KMT2C: variants seen among roughly 807,000 people sequenced by gnomAD.
KMT2C encodes the protein lysine methyltransferase 2C, also known as histone-lysine N-methyltransferase 2C.
KMT2C carries 88 observed loss-of-function variants against 507.9 expected under a neutral mutation model. The ratio of observed to expected loss-of-function variants is 0.17; its 90% confidence interval spans 0.15 to 0.21. The LOEUF (loss-of-function observed/expected upper bound fraction) is 0.21, where lower values mean the gene tolerates loss of function less well. Among genes scored for constraint, KMT2C ranks in the 10% least tolerant of loss-of-function variants. The pLI is 1.00. For synonymous variants in KMT2C, 2,049 were observed against 2,080.8 expected (o/e 0.98, Z 0.42); for missense variants, 4,954 against 5,957.8 (o/e 0.83, Z 5.55).
intron 1 of KMT2C, among the ~76,000 whole-genome samples, chr7:152,379,957 G>A (rs377539285): frequency 0.065 from 7,154 of 110,372 alleles, no homozygotes; most frequent in African/African-American, 0.14. Flanking sequence ...GAATGGCTGG[G>A]CATGGTGGCT....
intron 3 of KMT2C, among the ~76,000 whole-genome samples, chr7:152,326,880 C>CAAAAA (rs1019890291): frequency 1.3e-5 from 2 of 150,818 alleles, no homozygotes; most frequent in African/African-American, 4.9e-5. Context: ...GACTCTGTCT[C>CAAAAA]AAAAAAAATA....
At chr7:152,408,126 A>G (rs57891025) in intron 1 of KMT2C, among the ~76,000 whole-genome samples, 1 of 152,070 alleles carries the variant, frequency 6.6e-6, no homozygotes, top group Admixed American at 6.6e-5. Context: ...CGTTTCTACT[A>G]AAAATACAAA....
At chr7:152,249,078 C>G (rs1048958635) in intron 13 of KMT2C, among the ~76,000 whole-genome samples, 2 of 152,092 alleles carry the variant, frequency 1.3e-5, no homozygotes, top group African/African-American at 4.8e-5. Flanking sequence ...CTTAACCATA[C>G]CTGCCAACCT....
intron 3 of KMT2C, among the ~76,000 whole-genome samples, chr7:152,318,291 T>C (rs193019736): frequency 6.6e-6 from 1 of 151,720 alleles, no homozygotes; most frequent in Non-Finnish European, 1.5e-5. Flanking sequence ...TTTTTGAGAT[T>C]AGATTAAAAT....
At chr7:152,219,251 T>C (rs1156788287) in intron 23 of KMT2C, among the ~76,000 whole-genome samples, 6 of 151,800 alleles carry the variant, frequency 4.0e-5, no homozygotes, top group Non-Finnish European at 7.4e-5. Context: ...ATTACAGGCA[T>C]GAGCCACTGC....
rs541475829 is a variant in KMT2C at position 152,162,915 on chromosome 7, T to C, written c.10662A>G (p.Thr3554=). Residue 3554 remains threonine, a synonymous_variant, in exon 43 of 59, where the codon ACA becomes ACG. Coordinates refer to ENST00000262189, the MANE Select transcript of KMT2C (RefSeq NM_170606.3). ...CTGGAGGTGCTGCTGGTAAAGCAGG[T>C]GTAAAAGAAGGCCTCACTGGGGACT... ...FQQSPVRPSF[T]PALPAAPPVA... 1.2e-6 allele frequency: 2 copies of C among 1,614,048 alleles called. No individual in the cohort carries two copies. The highest frequency in any genetic ancestry group is 1.1e-5 in the South Asian group (1 of 91,070).
intron 6 of KMT2C, among the ~76,000 whole-genome samples, chr7:152,275,330 G>A (rs2096062824): frequency 6.6e-6 from 1 of 152,162 alleles, no homozygotes; most frequent in South Asian, 2.1e-4. Context: ...GGATCACGAG[G>A]TCAGGAGATC....
chr7:152,360,677 A>C (rs1021023763), intron 1 of KMT2C, among the ~76,000 whole-genome samples: 1 of 151,790 alleles, frequency 6.6e-6, no homozygotes, highest in African/African-American at 2.4e-5. Context: ...CTACTAAAAA[A>C]AATACAAAAA....
At chr7:152,368,895 TTTTC>T (rs1336042087) in intron 1 of KMT2C, among the ~76,000 whole-genome samples, 1 of 152,210 alleles carries the variant, frequency 6.6e-6, no homozygotes, top group African/African-American at 2.4e-5. Context: ...TACATTTTCT[TTTTC>T]TTTTTTTTAT....
intron 23 of KMT2C, among the ~76,000 whole-genome samples, chr7:152,215,295 C>T (rs1269989074): frequency 1.3e-5 from 2 of 151,620 alleles, no homozygotes; most frequent in Non-Finnish European, 2.9e-5. Flanking sequence ...AGGCAGATCA[C>T]GAGTTCAGGA....
At chr7:152,244,961 T>C (rs185310675) in intron 14 of KMT2C, among the ~76,000 whole-genome samples, 2 of 152,330 alleles carry the variant, frequency 1.3e-5, no homozygotes, top group Admixed American at 1.3e-4. Context: ...AATAATTCTA[T>C]ATGATTTGAT....
chr7:152,202,073 A>T (rs1246873987), intron 26 of KMT2C, among the ~76,000 whole-genome samples: 1 of 152,218 alleles, frequency 6.6e-6, no homozygotes, highest in South Asian at 2.1e-4. Flanking sequence ...TGGAAAATTG[A>T]TGTAAAAAAT....
intron 2 of KMT2C, among the ~76,000 whole-genome samples, chr7:152,347,619 T>TAC (rs1308356681): frequency 6.6e-6 from 1 of 152,222 alleles, no homozygotes; most frequent in Admixed American, 6.5e-5. Context: ...TATTTAATAC[T>TAC]ACATCTTTAC....
At chr7:152,171,693 A>G (rs1366232756) in intron 39 of KMT2C, among the ~76,000 whole-genome samples, 1 of 152,272 alleles carries the variant, frequency 6.6e-6, no homozygotes, top group Non-Finnish European at 1.5e-5. Flanking sequence ...TTACGATAAA[A>G]TGAATTCAAG....
rs2129124747 is a variant in KMT2C, at chr7:152,187,437, A to G, written c.4833T>C (p.Pro1611=). ...NSAFNPMASD[P]NNSWTSSAPT... ...GAGCTGATGATGTCCAAGAGTTGTTAGGATCACTTGCCATTGGATTAAAGG... is the reference window on the plus strand; with the variant it reads ...GAGCTGATGATGTCCAAGAGTTGTTGGGATCACTTGCCATTGGATTAAAGG... Residue 1611 remains proline (P), a synonymous_variant, in exon 33 of 59, where the codon CCT becomes CCC. Transcript: ENST00000262189. The G allele has an allele frequency of 6.2e-7, 1 of 1,614,136 alleles. No homozygotes were observed. The highest frequency in any genetic ancestry group is 8.5e-7 in the Non-Finnish European group (1 of 1,179,986).
At chr7:152,211,903 C>A (rs1438724589) in intron 23 of KMT2C, among the ~76,000 whole-genome samples, 1 of 152,052 alleles carries the variant, frequency 6.6e-6, no homozygotes, top group African/African-American at 2.4e-5. Context: ...AAAAAATTAG[C>A]CGGGCGTGGT....
chr7:152,268,534 A>G (rs1400982044), intron 7 of KMT2C, among the ~76,000 whole-genome samples: 1 of 152,162 alleles, frequency 6.6e-6, no homozygotes, highest in Non-Finnish European at 1.5e-5. Flanking sequence ...TCACTTTTAA[A>G]TGGCTCTTTA....
chr7:152,412,764 G>A (rs2097696443), intron 1 of KMT2C, among the ~76,000 whole-genome samples: 1 of 152,078 alleles, frequency 6.6e-6, no homozygotes, highest in African/African-American at 2.4e-5. Context: ...TAAATATTGT[G>A]GTGGGGGGGA....
Position 152,145,020 on chromosome 7 carries a change from G to A in KMT2C, c.14174+133C>T, listed in dbSNP as rs562730413. 1.4e-5 allele frequency: 19 copies of A among 1,361,866 alleles called. No individual in the cohort carries two copies. In the African/African-American group the frequency reaches 1.7e-4, roughly 12 times the overall value. The allele number at this position is 1,361,866 out of a possible 1,614,324, so 84.4% of individuals were successfully genotyped here. A position where few individuals can be genotyped will look rare whatever the true frequency, so the allele number is the denominator to read the frequency against. ...AAGCTGCCTAGCAGAGACACACGGC[G>A]AGTTCTCTTATGTAGTTGGGCACAT... On this transcript the variant is annotated intron_variant, in intron 54 of 58. Coordinates refer to ENST00000262189, the MANE Select transcript of KMT2C (RefSeq NM_170606.3).
Sources: gnomAD v4.1 joint callset for allele counts (sites outside exome capture counted in the v4.1 genomes callset) on GRCh38, gnomAD v4.1.1 for gene constraint, MANE v1.5 for transcripts, NCBI Gene and HGNC (gene_info 2026-07-23, HGNC 2026-07-21) for gene names.